The following EPB41L2 variants were observed in gnomAD, a reference collection of about 807,000 sequenced individuals.
EPB41L2 encodes the protein erythrocyte membrane protein band 4.1 like 2, also known as band 4.1-like protein 2.
In EPB41L2, 43 loss-of-function variants were observed where a neutral mutation model predicts 113.0. That is an observed-to-expected ratio of 0.38 (90% confidence interval 0.30 to 0.49). EPB41L2 has a LOEUF of 0.49. Ranked by LOEUF, EPB41L2 falls within the 20% of genes least tolerant of loss-of-function variation. EPB41L2 has a pLI of 0.95. For missense variants in EPB41L2, 1,147 were observed against 1,223.4 expected (o/e 0.94, Z 0.93); for synonymous variants, 442 against 436.7 (o/e 1.01, Z -0.15).
intron 1 of EPB41L2, among the ~76,000 whole-genome samples, chr6:131,043,059 G>C (rs1386712908): frequency 6.6e-6 from 1 of 152,172 alleles, no homozygotes; most frequent in African/African-American, 2.4e-5. Flanking sequence ...AACAGTTTGA[G>C]AGGCCGAGGC....
At chr6:130,967,309 A>C (rs1429299553) in intron 1 of EPB41L2, among the ~76,000 whole-genome samples, 1 of 149,810 alleles carries the variant, frequency 6.7e-6, no homozygotes, top group Non-Finnish European at 1.5e-5. Context: ...TGAAAAAAAA[A>C]CTCACATATA....
chr6:130,965,532 T>C (rs961338105), intron 1 of EPB41L2, among the ~76,000 whole-genome samples: 18 of 152,070 alleles, frequency 1.2e-4, no homozygotes, highest in Non-Finnish European at 2.4e-4. Context: ...CTGGTGTAAG[T>C]TGCCTCAACA....
At chr6:131,009,052 T>C (rs1436955769) in intron 1 of EPB41L2, among the ~76,000 whole-genome samples, 2 of 152,144 alleles carry the variant, frequency 1.3e-5, no homozygotes, top group Non-Finnish European at 2.9e-5. Context: ...ATATGAGATT[T>C]GGGAGGGACC....
intron 3 of EPB41L2, among the ~76,000 whole-genome samples, chr6:130,933,084 C>T (rs1807468750): frequency 6.6e-6 from 1 of 152,206 alleles, no homozygotes; most frequent in Admixed American, 6.5e-5. Flanking sequence ...AGGGAAAAAG[C>T]CAATCTGCCC....
At chr6:131,007,107 A>T (rs1391386585) in intron 1 of EPB41L2, among the ~76,000 whole-genome samples, 2 of 152,172 alleles carry the variant, frequency 1.3e-5, no homozygotes, top group Non-Finnish European at 2.9e-5. Flanking sequence ...ACAGCCACAA[A>T]CTTTAAGCAG....
chr6:130,966,835 A>C (rs962074790), intron 1 of EPB41L2, among the ~76,000 whole-genome samples: 1 of 152,132 alleles, frequency 6.6e-6, no homozygotes, highest in Non-Finnish European at 1.5e-5. Context: ...TAGCCACACA[A>C]ATGAACATCG....
chr6:130,937,779 G>C (rs935544503), intron 3 of EPB41L2, among the ~76,000 whole-genome samples: 1 of 148,688 alleles, frequency 6.7e-6, no homozygotes, highest in Non-Finnish European at 1.5e-5. Context: ...TCGTGCCACT[G>C]CCCTCCGGCC....
intron 19 of EPB41L2, among the ~76,000 whole-genome samples, chr6:130,855,350 C>T (rs938360433): frequency 2.6e-5 from 4 of 151,502 alleles, no homozygotes; most frequent in African/African-American, 9.7e-5. Context: ...GACTCCGTCA[C>T]AAAAAAATAA....
At chr6:131,052,354 C>T (rs529227601) in intron 1 of EPB41L2, among the ~76,000 whole-genome samples, 38 of 152,196 alleles carry the variant, frequency 2.5e-4, no homozygotes, top group Admixed American at 1.2e-3. Flanking sequence ...GAAAAAGAGG[C>T]GAAGGAATTC....
intron 15 of EPB41L2, among the ~76,000 whole-genome samples, chr6:130,869,272 C>A (rs1054589298): frequency 6.6e-6 from 1 of 151,938 alleles, no homozygotes. Context: ...TTGAAAACAC[C>A]CAAAACATGC....
chr6:131,061,121 T>C (rs561731054), intron 1 of EPB41L2, among the ~76,000 whole-genome samples: 3 of 152,326 alleles, frequency 2.0e-5, no homozygotes, highest in African/African-American at 4.8e-5. Flanking sequence ...TGGTTAAAGA[T>C]TAAAGAACTG....
intron 1 of EPB41L2, among the ~76,000 whole-genome samples, chr6:131,014,708 A>G (rs1787790775): frequency 6.6e-6 from 1 of 152,236 alleles, no homozygotes; most frequent in South Asian, 2.1e-4. Flanking sequence ...CCCATACACA[A>G]AAACAATAAG....
chr6:131,048,338 T>C (rs1263515637), intron 1 of EPB41L2, among the ~76,000 whole-genome samples: 2 of 152,212 alleles, frequency 1.3e-5, no homozygotes, highest in African/African-American at 2.4e-5. Flanking sequence ...TTTTGTTTTA[T>C]GTTCCTTGTT....
chr6:130,863,832 AC>A, intron 17 of EPB41L2, 114 bp from the exon 18 acceptor site: 1 of 646,128 alleles, frequency 1.5e-6, no homozygotes, highest in East Asian at 2.8e-5. Context: ...GTAAGGCCAC[AC>A]ACAACAAGCA....
At chr6:130,953,749 T>C (rs949488080) in intron 3 of EPB41L2, among the ~76,000 whole-genome samples, 27 of 151,930 alleles carry the variant, frequency 1.8e-4, no homozygotes, top group African/African-American at 6.0e-4. Context: ...CCCCTGTAAC[T>C]GAGGTTGAAG....
At position 130,902,230 on chromosome 6, in the gene EPB41L2, G is replaced by C. The variant is rs17059799; in HGVS notation, c.930-1050C>G. On this transcript the variant is annotated intron_variant, in intron 6 of 19. Transcript: ENST00000337057. ...GTCCTGTGGACACTTGCCTGGCCTG[G>C]GTTTTAGGGCCCAATCCTCTTCCTG... Among the ~76,000 whole-genome samples, 3,021 of 152,254 alleles carry C rather than the reference G, an allele frequency of 0.02. 197 individuals carry two copies. In the East Asian group the frequency reaches 0.26, roughly 13 times the overall value.
At chr6:131,009,489 T>C (rs1786405508) in intron 1 of EPB41L2, among the ~76,000 whole-genome samples, 1 of 152,128 alleles carries the variant, frequency 6.6e-6, no homozygotes, top group African/African-American at 2.4e-5. Context: ...CCCAGGCTCT[T>C]AGAAACTTAT....
At chr6:130,867,795 T>C (rs879350666) in intron 15 of EPB41L2, 16 of 504,386 alleles carry the variant, frequency 3.2e-5, no homozygotes, top group African/African-American at 1.6e-4. Flanking sequence ...CATGTGCACA[T>C]AGATACGTAC....
intron 8 of EPB41L2, among the ~76,000 whole-genome samples, chr6:130,896,591 A>G (rs1794734355): frequency 6.6e-6 from 1 of 152,374 alleles, no homozygotes; most frequent in East Asian, 1.9e-4. Context: ...TGACTTAAAA[A>G]TAGACACAAC....
Sources: allele counts gnomAD v4.1 joint callset (sites outside exome capture counted in the v4.1 genomes callset), GRCh38; gene constraint gnomAD v4.1.1; transcripts MANE v1.5; gene names NCBI Gene and HGNC (gene_info 2026-07-23, HGNC 2026-07-21).